The following PHACTR2 variants were observed in gnomAD, a reference collection of about 807,000 sequenced individuals.
PHACTR2 encodes the protein phosphatase and actin regulator 2.
PHACTR2 carries 30 observed loss-of-function variants against 76.0 expected under a neutral mutation model. The observed-to-expected ratio is 0.39, with a 90% CI of 0.30 to 0.54. PHACTR2 has a LOEUF of 0.54. Among genes scored for constraint, PHACTR2 ranks in the 20% least tolerant of loss-of-function variants. PHACTR2 has a pLI of 0.61. For synonymous variants in PHACTR2, 292 were observed against 292.5 expected (o/e 1.00, Z 0.02); for missense variants, 696 against 781.1 (o/e 0.89, Z 1.30).
chr6:143,735,201 A>G (rs924575962), intron 2 of PHACTR2, among the ~76,000 whole-genome samples: 5 of 152,230 alleles, frequency 3.3e-5, no homozygotes, highest in Admixed American at 2.6e-4. Flanking sequence ...ATTGGTACTC[A>G]TGAAGTTTCC....
Position 143,821,172 on chromosome 6 carries a change from C to T in PHACTR2, c.1923-2502C>T, listed in dbSNP as rs528099381. ...GCAGGCATGGCGGTCCTCACATCTGCCCAAGGTTACAGTCAGGGATAGACT... is the reference window on the plus strand; with the variant it reads ...GCAGGCATGGCGGTCCTCACATCTGTCCAAGGTTACAGTCAGGGATAGACT... On this transcript the variant is annotated intron_variant, in intron 12 of 12. Coordinates refer to ENST00000440869, the MANE Select transcript of PHACTR2 (RefSeq NM_001100164.2). The surrounding 1 kb of genome is among the most constrained non-coding windows in gnomAD (Gnocchi z 5.2). Among the ~76,000 whole-genome samples, 31 of 152,338 alleles carry T rather than the reference C, an allele frequency of 2.0e-4. 1 individual carries two copies. The South Asian group carries it at 3.5e-3, about 17-fold the overall frequency.
At chr6:143,747,847 T>C (rs918396519) in intron 2 of PHACTR2, among the ~76,000 whole-genome samples, 2 of 152,194 alleles carry the variant, frequency 1.3e-5, no homozygotes, top group Non-Finnish European at 2.9e-5. Flanking sequence ...ACGCACCTTC[T>C]TGGCCCCTGA....
intron 1 of PHACTR2, among the ~76,000 whole-genome samples, chr6:143,587,495 G>A (rs2128433884): frequency 6.6e-6 from 1 of 152,280 alleles, no homozygotes; most frequent in Non-Finnish European, 1.5e-5. Context: ...TGGTGGCAAA[G>A]TTATCTTGGA....
chr6:143,720,767 C>G (rs1170051230), intron 2 of PHACTR2, among the ~76,000 whole-genome samples: 2 of 152,198 alleles, frequency 1.3e-5, no homozygotes, highest in Admixed American at 6.5e-5. Flanking sequence ...CATGGACCAC[C>G]ATGCCTGGCT....
chr6:143,657,431 G>C (rs959347315), intron 1 of PHACTR2, among the ~76,000 whole-genome samples: 1 of 151,950 alleles, frequency 6.6e-6, no homozygotes, highest in Non-Finnish European at 1.5e-5. Context: ...TCCCCAGTAC[G>C]TGTTTTTCCA....
rs1371091005 is a variant in PHACTR2, at chr6:143,653,760, C to T, written c.13+45438C>T. Among the ~76,000 whole-genome samples, 3 of 151,994 alleles carry T rather than the reference C, an allele frequency of 2.0e-5. No individual in the cohort carries two copies. Among genetic ancestry groups the T allele is most frequent in the Admixed American group, 2.0e-4 (3 of 15,242 alleles). On this transcript the variant is annotated intron_variant, in intron 1 of 11. Coordinates refer to the PHACTR2 transcript ENST00000305766. The surrounding 1 kb of genome is among the most constrained non-coding windows in gnomAD (Gnocchi z 4.9). ...CTAGATGTAAGAGCTAAAACTATAA[C>T]AGGCTTAGAAGAAAACATAGGTGTA...
At position 143,793,598 on chromosome 6, in the gene PHACTR2, G is replaced by C. The variant is rs1169778804; in HGVS notation, c.1845+4688G>C. The stretch of plus-strand genomic sequence containing the variant: ...TTCTCTGGAAGAAAATTAAGAGGTA[G>C]AATTTCTTTTAAATAGAAAAAATAT... On this transcript the variant is annotated intron_variant, in intron 11 of 12. Coordinates refer to ENST00000440869, the MANE Select transcript of PHACTR2 (RefSeq NM_001100164.2). The surrounding 1 kb of genome is among the most constrained non-coding windows in gnomAD (Gnocchi z 4.4). Among the ~76,000 whole-genome samples the C allele has an allele frequency of 6.6e-6, 1 of 152,054 alleles. No individual in the cohort carries two copies. Among genetic ancestry groups the C allele is most frequent in the Non-Finnish European group, 1.5e-5 (1 of 68,004 alleles).
chr6:143,799,724 A>G (rs1455695026), intron 11 of PHACTR2, among the ~76,000 whole-genome samples: 1 of 152,178 alleles, frequency 6.6e-6, no homozygotes, highest in Non-Finnish European at 1.5e-5. Flanking sequence ...CCTGAGTTCT[A>G]ATTTTATTGC....
At chr6:143,725,724 G>T (rs543411512) in intron 2 of PHACTR2, among the ~76,000 whole-genome samples, 1 of 151,956 alleles carries the variant, frequency 6.6e-6, no homozygotes, top group Admixed American at 6.5e-5. Flanking sequence ...CTACTGGGAG[G>T]CTGAGGCAGG....
Position 143,679,743 on chromosome 6 carries a change from G to A in PHACTR2, c.46+1534G>A, listed in dbSNP as rs1777341388. On this transcript the variant is annotated intron_variant, in intron 1 of 12. Coordinates refer to ENST00000440869, the MANE Select transcript of PHACTR2 (RefSeq NM_001100164.2). The surrounding 1 kb of genome is among the most constrained non-coding windows in gnomAD (Gnocchi z 4.6). ...TAAGAAGCAAATAAAATCCTAAAGT[G>A]AGACTCCCTACGTCTTAGTACAGCA... Among the ~76,000 whole-genome samples, 1 of 151,104 alleles carries A rather than the reference G, an allele frequency of 6.6e-6. No individual in the cohort carries two copies. Among genetic ancestry groups the A allele is most frequent in the Non-Finnish European group, 1.5e-5 (1 of 67,754 alleles).
At chr6:143,677,053 C>T (rs886444547), upstream of PHACTR2, among the ~76,000 whole-genome samples, 1 of 151,730 alleles carries the variant, frequency 6.6e-6, no homozygotes, top group Admixed American at 6.6e-5. Context: ...AAATATATTG[C>T]ACTTTCTGAT....
chr6:143,728,170 T>C (rs546696090), intron 2 of PHACTR2, among the ~76,000 whole-genome samples: 3 of 151,928 alleles, frequency 2.0e-5, no homozygotes, highest in East Asian at 3.9e-4. Context: ...CTTTCTTTCG[T>C]TCATTCGTTC....
chr6:143,716,935 C>G (rs948419716), intron 2 of PHACTR2, among the ~76,000 whole-genome samples: 6 of 152,180 alleles, frequency 3.9e-5, no homozygotes, highest in Non-Finnish European at 5.9e-5. Context: ...CCTCTTGCCC[C>G]TCCATATCCT....
rs532070592 is a variant in PHACTR2, at chr6:143,696,056, G to A, written c.47-15960G>A. ...TTTTTAAAATTTTTTATTTTTTGCA[G>A]GTGCAAGCATAAAAATAAAAAATTC... On this transcript the variant is annotated intron_variant, in intron 1 of 12. Transcript: ENST00000440869. The surrounding 1 kb of genome is among the most constrained non-coding windows in gnomAD (Gnocchi z 4.1). Among the ~76,000 whole-genome samples, 1 of 152,210 alleles carries A rather than the reference G, an allele frequency of 6.6e-6. No homozygotes were observed. The highest frequency in any genetic ancestry group is 2.1e-4 in the South Asian group (1 of 4,824).
chr6:143,778,543 G>C (rs1204156722), intron 9 of PHACTR2, among the ~76,000 whole-genome samples: 1 of 151,746 alleles, frequency 6.6e-6, no homozygotes, highest in Non-Finnish European at 1.5e-5. Flanking sequence ...GTATAGAAGA[G>C]CCAATTTGGA....
At chr6:143,691,304 C>T (rs746579217) in intron 1 of PHACTR2, among the ~76,000 whole-genome samples, 8 of 151,756 alleles carry the variant, frequency 5.3e-5, no homozygotes, top group Admixed American at 1.3e-4. Flanking sequence ...AAAAAATTCT[C>T]ATTTGAATCT....
At chr6:143,567,294 C>T (rs574252193) in intron 1 of PHACTR2, among the ~76,000 whole-genome samples, 1 of 152,322 alleles carries the variant, frequency 6.6e-6, no homozygotes, top group African/African-American at 2.4e-5. Flanking sequence ...CTCCCTCTCT[C>T]GTTCTCTCAT....
chr6:143,787,770 A>T lies in PHACTR2; in HGVS notation c.1708-1003A>T, dbSNP rs1562307694. On this transcript the variant is annotated intron_variant, in intron 10 of 12. Transcript: ENST00000440869. The surrounding 1 kb of genome is among the most constrained non-coding windows in gnomAD (Gnocchi z 4.6). Reference sequence around the variant, plus strand: ...CCCACTCTGTTTAAATAAAAAAAAAATAAGCAATATCTCCGGAGAGGACCA... The same window carrying T: ...CCCACTCTGTTTAAATAAAAAAAAATTAAGCAATATCTCCGGAGAGGACCA... Among the ~76,000 whole-genome samples, 1 of 152,170 alleles carries T rather than the reference A, an allele frequency of 6.6e-6. No individual in the cohort carries two copies. The highest frequency in any genetic ancestry group is 1.5e-5 in the Non-Finnish European group (1 of 68,028).
Position 143,754,149 on chromosome 6 carries a change from A to T in PHACTR2, c.454+237A>T. 3.6e-6 allele frequency: 1 copy of T among 275,818 alleles called. No homozygotes were observed. The highest frequency in any genetic ancestry group is 1.1e-4 in the South Asian group (1 of 9,498). The allele number at this position is 275,818 out of a possible 1,614,324, so 17.1% of individuals were successfully genotyped here. ...TCAATTATTAAAAATGTTAATTAAAAGTAATAATCAGAAGGGGTGGCCTCT... is the reference window on the plus strand; with the variant it reads ...TCAATTATTAAAAATGTTAATTAAATGTAATAATCAGAAGGGGTGGCCTCT... On this transcript the variant is annotated intron_variant, in intron 4 of 12. Transcript: ENST00000440869. This position sits in a 1 kb window ranked among gnomAD's most constrained non-coding sequence, Gnocchi z 6.2.
Sources: gnomAD v4.1 joint callset for allele counts (sites outside exome capture counted in the v4.1 genomes callset) on GRCh38, gnomAD v4.1.1 for gene constraint, Gnocchi (gnomAD v3.1) non-coding constraint, MANE v1.5 for transcripts, NCBI Gene and HGNC (gene_info 2026-07-23, HGNC 2026-07-21) for gene names.